The following STXBP5L variants were observed in gnomAD, a reference collection of about 807,000 sequenced individuals.
The protein encoded by STXBP5L is syntaxin binding protein 5L, also known as syntaxin-binding protein 5-like.
A neutral mutation model predicts 144.5 loss-of-function variants in STXBP5L; 65 were observed. The observed-to-expected ratio is 0.45, with a 90% CI of 0.37 to 0.55. STXBP5L has a LOEUF of 0.55. STXBP5L is among the 20% of genes least tolerant of loss of function. The pLI is 0.00. For synonymous variants in STXBP5L, 505 were observed against 469.6 expected (o/e 1.08, Z -0.97); for missense variants, 1,298 against 1,405.5 (o/e 0.92, Z 1.22).
At chr3:121,197,723 C>T (rs903522282) in intron 9 of STXBP5L, among the ~76,000 whole-genome samples, 11 of 152,210 alleles carry the variant, frequency 7.2e-5, no homozygotes, top group African/African-American at 2.6e-4. Context: ...TCTCATTGTC[C>T]AACTCCCAAT....
At chr3:120,972,468 G>C (rs929210715) in intron 3 of STXBP5L, among the ~76,000 whole-genome samples, 1 of 152,014 alleles carries the variant, frequency 6.6e-6, no homozygotes, top group Non-Finnish European at 1.5e-5. Context: ...GGAGTCTTTT[G>C]GAGGAGCATT....
chr3:120,920,465 G>A (rs1038205619), intron 2 of STXBP5L, among the ~76,000 whole-genome samples: 7 of 151,258 alleles, frequency 4.6e-5, no homozygotes, highest in African/African-American at 1.2e-4. Context: ...TGGGATATAC[G>A]TCACCTTAAA....
intron 3 of STXBP5L, among the ~76,000 whole-genome samples, chr3:121,000,354 G>T (rs899818191): frequency 1.3e-5 from 2 of 151,918 alleles, no homozygotes; most frequent in Admixed American, 6.6e-5. Flanking sequence ...GATTTGAAGA[G>T]CCAGTCTTTG....
chr3:120,997,310 A>G (rs1943429488), intron 3 of STXBP5L, among the ~76,000 whole-genome samples: 1 of 152,182 alleles, frequency 6.6e-6, no homozygotes, highest in Non-Finnish European at 1.5e-5. Context: ...TATACCCACT[A>G]GTGGGATTGT....
chr3:120,944,180 C>T (rs1576458712), intron 2 of STXBP5L, among the ~76,000 whole-genome samples: 1 of 149,740 alleles, frequency 6.7e-6, no homozygotes, highest in Admixed American at 6.7e-5. Context: ...AAAGAGAATC[C>T]TTTTTTTTTC....
At chr3:121,213,133 A>G (rs540159932) in intron 10 of STXBP5L, among the ~76,000 whole-genome samples, 15 of 152,322 alleles carry the variant, frequency 9.8e-5, no homozygotes, top group African/African-American at 2.9e-4. Flanking sequence ...GGTTTTCTAA[A>G]TATGCAATCA....
chr3:120,918,982 T>A (rs181768122), intron 2 of STXBP5L, among the ~76,000 whole-genome samples: 38 of 152,270 alleles, frequency 2.5e-4, no homozygotes, highest in Admixed American at 1.6e-3. Flanking sequence ...CTAGACATGG[T>A]AACATTCTTT....
At chr3:121,225,897 T>A (rs1465162964) in intron 11 of STXBP5L, among the ~76,000 whole-genome samples, 1 of 152,124 alleles carries the variant, frequency 6.6e-6, no homozygotes, top group Non-Finnish European at 1.5e-5. Context: ...ACTTCTCAGG[T>A]TGGTATAAAT....
chr3:121,097,333 G>A (rs545334874), intron 5 of STXBP5L, among the ~76,000 whole-genome samples: 1 of 152,218 alleles, frequency 6.6e-6, no homozygotes, highest in South Asian at 2.1e-4. Flanking sequence ...CTGTCTTGCT[G>A]GCATTCCAGG....
chr3:121,252,085 C>T (rs1158831536), intron 15 of STXBP5L, among the ~76,000 whole-genome samples: 5 of 152,122 alleles, frequency 3.3e-5, no homozygotes, highest in Non-Finnish European at 7.4e-5. Flanking sequence ...GAGGGCCAGG[C>T]GCAGTTGTTC....
chr3:120,967,122 C>T (rs1424426584), intron 3 of STXBP5L, among the ~76,000 whole-genome samples: 2 of 152,044 alleles, frequency 1.3e-5, no homozygotes, highest in Non-Finnish European at 2.9e-5. Context: ...GAGAGAGAAT[C>T]GCCTTGTCTG....
Position 121,367,996 on chromosome 3 carries a change from G to T in STXBP5L, c.2177-10720G>T, listed in dbSNP as rs565040343. 2.7e-4 allele frequency among the ~76,000 whole-genome samples: 41 copies of T among 151,610 alleles called. 1 individual carries two copies. The South Asian group carries it at 8.3e-3, about 31-fold the overall frequency. ...TTCCTTGGAATTCATTGAGCTTCTT[G>T]GTTGTTTATATTCATGTGTTTCATC... On this transcript the variant is annotated intron_variant, in intron 20 of 26. Transcript: ENST00000471454.
At chr3:121,047,322 A>G (rs1045364020) in intron 5 of STXBP5L, among the ~76,000 whole-genome samples, 2 of 152,108 alleles carry the variant, frequency 1.3e-5, no homozygotes, top group Non-Finnish European at 2.9e-5. Context: ...AAGATGGTAT[A>G]TTCTGTTCCT....
chr3:121,260,394 T>G (rs1229104085), intron 18 of STXBP5L, among the ~76,000 whole-genome samples: 2 of 152,106 alleles, frequency 1.3e-5, no homozygotes, highest in African/African-American at 4.8e-5. Flanking sequence ...GGTTCTTACT[T>G]TAAAGAATTT....
chr3:121,416,246 T>C (rs2047230204), intron 25 of STXBP5L, among the ~76,000 whole-genome samples: 1 of 152,000 alleles, frequency 6.6e-6, no homozygotes, highest in East Asian at 2.0e-4. Flanking sequence ...AATATCTCAT[T>C]TGCAAGTAGA....
Position 121,312,446 on chromosome 3 carries a change from C to CTTTTTTTTTTTTTTTTTTTTTTTTT in STXBP5L, c.2111-6021_2111-5997dup, listed in dbSNP as rs58989280. ...TGTTTTTGACTTAAGGTATGTCAAT[C>CTTTTTTTTTTTTTTTTTTTTTTTTT]TTTTTTTTTTTTTTTTTTTTTTTTT... On this transcript the variant is annotated intron_variant, in intron 19 of 26. Coordinates refer to ENST00000471454, the MANE Select transcript of STXBP5L (RefSeq NM_001308330.2). Among the ~76,000 whole-genome samples the CTTTTTTTTTTTTTTTTTTTTTTTTT allele has an allele frequency of 3.1e-4, 4 of 12,752 alleles. 1 individual carries two copies. Among genetic ancestry groups the CTTTTTTTTTTTTTTTTTTTTTTTTT allele is most frequent in the African/African-American group, 1.7e-3 (4 of 2,348 alleles). The allele number at this position is 12,752 out of a possible 152,430, so 8.4% of individuals were successfully genotyped here.
intron 22 of STXBP5L, among the ~76,000 whole-genome samples, chr3:121,405,611 ATCT>A (rs762834025): frequency 1.4e-4 from 21 of 152,114 alleles, no homozygotes; most frequent in Non-Finnish European, 2.5e-4. Context: ...ATTAATTAAG[ATCT>A]TATTATTGAA....
intron 20 of STXBP5L, among the ~76,000 whole-genome samples, chr3:121,374,698 G>A (rs2108669228): frequency 6.6e-6 from 1 of 152,102 alleles, no homozygotes; most frequent in East Asian, 1.9e-4. Context: ...CAGTAGACTA[G>A]GCCAAGCAGA....
At chr3:121,174,429 A>G (rs1176573261) in intron 9 of STXBP5L, among the ~76,000 whole-genome samples, 1 of 152,080 alleles carries the variant, frequency 6.6e-6, no homozygotes, top group Non-Finnish European at 1.5e-5. Context: ...AATCTCCAAA[A>G]ACTTCCAATA....
Sources: gnomAD v4.1 joint callset for allele counts (sites outside exome capture counted in the v4.1 genomes callset) on GRCh38, gnomAD v4.1.1 for gene constraint, MANE v1.5 for transcripts, NCBI Gene and HGNC (gene_info 2026-07-23, HGNC 2026-07-21) for gene names.